Variants in SV2C observed in about 807,000 individuals in gnomAD.
The protein encoded by SV2C is synaptic vesicle glycoprotein 2C.
SV2C carries 49 observed loss-of-function variants against 79.7 expected under a neutral mutation model. That is an observed-to-expected ratio of 0.61 (90% CI 0.49 to 0.78). SV2C has a LOEUF of 0.78. Ranked by LOEUF, SV2C falls within the 30% of genes least tolerant of loss-of-function variation. SV2C has a pLI of 0.00. For missense variants in SV2C, 833 were observed against 912.9 expected, an observed-to-expected ratio of 0.91 and a Z score of 1.13; for synonymous variants, 334 against 333.2, an observed-to-expected ratio of 1.00 and a Z score of -0.03.
the SV2C span, among the ~76,000 whole-genome samples, chr5:75,923,227 G>T: frequency 6.6e-6 from 1 of 152,198 alleles, no homozygotes; most frequent in South Asian, 2.1e-4. Context: ...GTAGAAGAAT[G>T]AAACTGGATC....
the SV2C span, among the ~76,000 whole-genome samples, chr5:75,892,242 A>AT: frequency 5.9e-5 from 9 of 151,402 alleles, no homozygotes; most frequent in Non-Finnish European, 1.0e-4. Flanking sequence ...TCACTACCCT[A>AT]TTTTTTTAAT....
chr5:76,035,624 T>C, the SV2C span, among the ~76,000 whole-genome samples: 1 of 152,156 alleles, frequency 6.6e-6, no homozygotes, highest in East Asian at 1.9e-4. Context: ...ATAGTTTTAA[T>C]TTCTGTTCTT....
At chr5:76,172,152 A>G (rs868482448) in intron 2 of SV2C, among the ~76,000 whole-genome samples, 748 of 9,520 alleles carry the variant, frequency 0.079, 1 homozygote, top group African/African-American at 0.23. Flanking sequence ...GCCCCGTCTG[A>G]GAGGTGAGGG....
chr5:75,866,792 G>A, the SV2C span, among the ~76,000 whole-genome samples: 1 of 152,156 alleles, frequency 6.6e-6, no homozygotes, highest in Admixed American at 6.5e-5. Flanking sequence ...AGAAAAGTTA[G>A]GTTAGTTTCT....
At chr5:76,209,938 GC>G in intron 4 of SV2C, 51 bp downstream of exon 4, 1 of 1,551,726 alleles carries the variant, frequency 6.4e-7, no homozygotes, top group Non-Finnish European at 8.7e-7. Context: ...TTTGCTTCAG[GC>G]TCCATTCCCA....
intron 6 of SV2C, among the ~76,000 whole-genome samples, chr5:76,288,488 T>C (rs1747428074): frequency 1.3e-5 from 2 of 152,224 alleles, no homozygotes; most frequent in African/African-American, 4.8e-5. Flanking sequence ...AATTTTAATT[T>C]AAAGGATCAT....
At chr5:76,321,150 C>T (rs565745939) in intron 12 of SV2C, among the ~76,000 whole-genome samples, 1 of 152,242 alleles carries the variant, frequency 6.6e-6, no homozygotes, top group Non-Finnish European at 1.5e-5. Flanking sequence ...GTTATGGAAA[C>T]AACTATCATT....
chr5:76,296,415 C>T (rs1055490331), intron 9 of SV2C, among the ~76,000 whole-genome samples: 5 of 152,142 alleles, frequency 3.3e-5, no homozygotes, highest in African/African-American at 1.2e-4. Flanking sequence ...TAAATTGCAT[C>T]AGGAAGAGTT....
At chr5:76,350,747 G>A (rs1320008733) in intron 12 of SV2C, among the ~76,000 whole-genome samples, 1 of 152,192 alleles carries the variant, frequency 6.6e-6, no homozygotes, top group Non-Finnish European at 1.5e-5. Flanking sequence ...TGGGCATGGT[G>A]GCTCACGCCT....
chr5:76,280,803 G>C (rs911184544), intron 4 of SV2C, among the ~76,000 whole-genome samples: 2 of 152,226 alleles, frequency 1.3e-5, no homozygotes, highest in Admixed American at 1.3e-4. Context: ...CTAGGTCTAA[G>C]CACAATCTCA....
chr5:76,332,403 G>A lies in SV2C; in HGVS notation c.*6856G>A, dbSNP rs961343234. ...GGAATAGCTTTGAACCGGTTCATCC[G>A]AACTGATTGTTAAACTTTCAGAACT... On this transcript the variant is annotated 3_prime_UTR_variant, in exon 13 of 13. Coordinates refer to ENST00000502798, the MANE Select transcript of SV2C (RefSeq NM_014979.4). 6.6e-6 allele frequency: 1 copy of A among 152,162 alleles called. No individual in the cohort carries two copies. Among genetic ancestry groups the A allele is most frequent in the Non-Finnish European group, 1.5e-5 (1 of 68,032 alleles). 9.4% of individuals were successfully genotyped at this position (152,162 alleles called of 1,614,324 possible). A position where few individuals can be genotyped will look rare whatever the true frequency, so the allele number is the denominator to read the frequency against.
chr5:76,204,706 C>A (rs111943809), intron 3 of SV2C, among the ~76,000 whole-genome samples: 2,474 of 152,266 alleles, frequency 0.016, 57 homozygotes, highest in African/African-American at 0.052. Context: ...ATTTTAAGTA[C>A]AATTACTCTT....
At chr5:76,252,371 C>T (rs548012679) in intron 4 of SV2C, among the ~76,000 whole-genome samples, 3 of 152,300 alleles carry the variant, frequency 2.0e-5, no homozygotes, top group Middle Eastern at 3.4e-3. Context: ...TCCTACCCGC[C>T]TTGGCCTCCC....
intron 4 of SV2C, among the ~76,000 whole-genome samples, chr5:76,225,606 C>T (rs1021232421): frequency 2.6e-5 from 4 of 152,080 alleles, no homozygotes; most frequent in Middle Eastern, 3.4e-3. Flanking sequence ...AAAAATTGCT[C>T]TTGTGTAATC....
chr5:76,261,233 G>A (rs1252428099), intron 4 of SV2C, among the ~76,000 whole-genome samples: 1 of 151,934 alleles, frequency 6.6e-6, no homozygotes, highest in Non-Finnish European at 1.5e-5. Flanking sequence ...TCATGATTTG[G>A]CTCTCTGCTT....
At chr5:75,975,989 A>G in the SV2C span, among the ~76,000 whole-genome samples, 1 of 152,216 alleles carries the variant, frequency 6.6e-6, no homozygotes, top group Non-Finnish European at 1.5e-5. Context: ...CATATGGCAG[A>G]AGAGCTAGGA....
At chr5:76,223,988 TC>T (rs1184690127) in intron 4 of SV2C, among the ~76,000 whole-genome samples, 3 of 151,962 alleles carry the variant, frequency 2.0e-5, no homozygotes, top group Non-Finnish European at 4.4e-5. Flanking sequence ...CAGACTAGGG[TC>T]CCACCCTTAT....
intron 2 of SV2C, among the ~76,000 whole-genome samples, chr5:76,145,872 A>G (rs1466323305): frequency 1.3e-5 from 2 of 152,132 alleles, no homozygotes; most frequent in African/African-American, 2.4e-5. Flanking sequence ...TAAGAATCCA[A>G]TTTACTCCTG....
the SV2C span, among the ~76,000 whole-genome samples, chr5:76,012,426 C>G: frequency 6.6e-6 from 1 of 152,176 alleles, no homozygotes; most frequent in Non-Finnish European, 1.5e-5. Flanking sequence ...AGTGGCTGTT[C>G]ATATCCTTCG....
Sources: allele counts gnomAD v4.1 joint callset (sites outside exome capture counted in the v4.1 genomes callset), GRCh38; gene constraint gnomAD v4.1.1; transcripts MANE v1.5; gene names NCBI Gene and HGNC (gene_info 2026-07-23, HGNC 2026-07-21).